CFAP46: variants seen among roughly 807,000 people sequenced by gnomAD.
The protein encoded by CFAP46 is cilia and flagella associated protein 46.
A neutral mutation model predicts 325.7 loss-of-function variants in CFAP46; 245 were observed. The observed-to-expected ratio is 0.75, with a 90% CI of 0.68 to 0.84. CFAP46 has a LOEUF of 0.84. CFAP46 is among the 40% of genes least tolerant of loss of function. The pLI is 0.00. For synonymous variants in CFAP46, 1,523 were observed against 1,495.9 expected (o/e 1.02, Z -0.42); for missense variants, 3,346 against 3,543.0 (o/e 0.94, Z 1.41).
Position 132,892,328 on chromosome 10 carries a change from C to T in CFAP46, c.3304+5G>A. ...GCCTGTGGGTCTGTCTGTCCTGCTA[C>T]AAACCTGGAAGAAAATATCCTTCGG... On this transcript the variant is annotated splice_donor_5th_base_variant and intron_variant, in intron 25 of 57. Coordinates refer to ENST00000368586, the MANE Select transcript of CFAP46 (RefSeq NM_001200049.3). 6.4e-7 allele frequency: 1 copy of T among 1,550,822 alleles called. No homozygotes were observed. The highest frequency in any genetic ancestry group is 1.4e-5 in the African/African-American group (1 of 73,190).
intron 44 of CFAP46, 80 bp downstream of exon 44, chr10:132,845,977 C>T (rs571984834): frequency 2.4e-5 from 35 of 1,455,978 alleles, no homozygotes; most frequent in Non-Finnish European, 2.7e-5. Flanking sequence ...CTCGCTCAGG[C>T]GTGGGACTGT....
chr10:132,859,215 T>C lies in CFAP46; in HGVS notation c.5231A>G (p.His1744Arg). 6.5e-7 allele frequency: 1 copy of C among 1,550,044 alleles called. No homozygotes were observed. The highest frequency in any genetic ancestry group is 8.7e-7 in the Non-Finnish European group (1 of 1,146,956). ...CTCTGTGGGTTCAGTGACCGCTGAG[T>C]GCTGCGCAACTCTGACCCGCAGGCT... ...CLSLRVRVAQHSAVTEPTECS... is the reference protein window; with the variant it reads ...CLSLRVRVAQRSAVTEPTECS... Residue 1744 changes from histidine (H) to arginine (R), a missense_variant, in exon 38 of 58, where the codon CAC (histidine) becomes CGC (arginine). Physicochemically the swap from His to Arg is conservative, Grantham distance 29. Transcript: ENST00000368586.
intron 9 of CFAP46, among the ~76,000 whole-genome samples, chr10:132,927,986 G>A (rs1267261847): frequency 6.6e-6 from 1 of 152,182 alleles, no homozygotes; most frequent in African/African-American, 2.4e-5. Flanking sequence ...GAGGCCAACC[G>A]GGCAAAGGGC....
chr10:132,890,436 C>T (rs1164710709), intron 25 of CFAP46, among the ~76,000 whole-genome samples: 1 of 152,196 alleles, frequency 6.6e-6, no homozygotes, highest in Non-Finnish European at 1.5e-5. Flanking sequence ...CTTGGACCCC[C>T]GTCACTCCTA....
At position 132,892,427 on chromosome 10, in the gene CFAP46, C is replaced by A. The variant is rs566590048; in HGVS notation, c.3220-10G>T. ...GCGTCTTTCCTTTCTCCTAAAGTAACGCAAGTAAACGACACGTATATTTGA... is the reference window on the plus strand; with the variant it reads ...GCGTCTTTCCTTTCTCCTAAAGTAAAGCAAGTAAACGACACGTATATTTGA... On this transcript the variant is annotated splice_polypyrimidine_tract_variant and intron_variant, in intron 24 of 57. Transcript: ENST00000368586. 1.3e-6 allele frequency: 2 copies of A among 1,550,240 alleles called. No homozygotes were observed. The highest frequency in any genetic ancestry group is 1.4e-5 in the African/African-American group (1 of 73,126).
rs373221431 is a variant in CFAP46, at chr10:132,812,763, G to T, written c.7501+22C>A. ...TTGTCCTGTGCCCGCGGGGGAGGGGGTGCTGAGAGGACACCTCTCACCTTG... is the reference window on the plus strand; with the variant it reads ...TTGTCCTGTGCCCGCGGGGGAGGGGTTGCTGAGAGGACACCTCTCACCTTG... On this transcript the variant is annotated intron_variant, in intron 55 of 57. Coordinates refer to ENST00000368586, the MANE Select transcript of CFAP46 (RefSeq NM_001200049.3). 9.0e-5 allele frequency: 139 copies of T among 1,551,924 alleles called. No individual in the cohort carries two copies. In the African/African-American group the frequency reaches 1.1e-3, roughly 12 times the overall value.
In CFAP46 at chr10:132,893,656, G is replaced by A. The variant is rs555807219; in HGVS notation, c.3220-1239C>T. ...TTTAGCTGAACTGAGCAAAAGTCCC[G>A]CAACAGTGTGAGACCCCCAAGTCAA... On this transcript the variant is annotated intron_variant, in intron 24 of 57. Coordinates refer to ENST00000368586, the MANE Select transcript of CFAP46 (RefSeq NM_001200049.3). Among the ~76,000 whole-genome samples, 96 of 152,290 alleles carry A rather than the reference G, an allele frequency of 6.3e-4. 4 individuals carry two copies. Among genetic ancestry groups the A allele is most frequent in the South Asian group, 4.1e-4 (2 of 4,826 alleles).
chr10:132,866,728 CCT>C (rs1848818502), intron 34 of CFAP46, among the ~76,000 whole-genome samples: 1 of 152,238 alleles, frequency 6.6e-6, no homozygotes, highest in Non-Finnish European at 1.5e-5. Context: ...GTGCTGAGCC[CCT>C]GTCCTGTCCT....
chr10:132,856,977 G>A (rs1848651050), intron 39 of CFAP46, among the ~76,000 whole-genome samples: 1 of 152,218 alleles, frequency 6.6e-6, no homozygotes, highest in Admixed American at 6.5e-5. Context: ...TCTCAGGCAG[G>A]TCTGGAGCGG....
intron 7 of CFAP46, among the ~76,000 whole-genome samples, chr10:132,935,645 T>A (rs200708920): frequency 4.1e-3 from 480 of 116,138 alleles, no homozygotes; most frequent in Middle Eastern, 0.012. Context: ...ATCTCCTCAC[T>A]CCCCTCAGCA....
rs922319065 is a variant in CFAP46 at position 132,889,872 on chromosome 10, C to A, written c.3304+2461G>T. Among the ~76,000 whole-genome samples, 1 of 152,184 alleles carries A rather than the reference C, an allele frequency of 6.6e-6. No individual in the cohort carries two copies. The highest frequency in any genetic ancestry group is 2.4e-5 in the African/African-American group (1 of 41,450). Reference sequence around the variant, plus strand: ...GTCCCGCCTGATTAAAGTATTGATGCGGCCTGGACGCTAAGCATTTAGCTG... The same window carrying A: ...GTCCCGCCTGATTAAAGTATTGATGAGGCCTGGACGCTAAGCATTTAGCTG... On this transcript the variant is annotated intron_variant, in intron 25 of 57. Transcript: ENST00000368586. The surrounding 1 kb of genome is among the most constrained non-coding windows in gnomAD (Gnocchi z 6.0).
chr10:132,915,353 G>A (rs372577000), intron 17 of CFAP46, among the ~76,000 whole-genome samples: 26 of 152,362 alleles, frequency 1.7e-4, no homozygotes, highest in Admixed American at 7.8e-4. Flanking sequence ...GCCTGGGCCC[G>A]GTGGCTCCTC....
chr10:132,924,255 C>T (rs1849772901), intron 11 of CFAP46, among the ~76,000 whole-genome samples: 1 of 151,256 alleles, frequency 6.6e-6, no homozygotes, highest in South Asian at 2.1e-4. Flanking sequence ...TGCCATGGTC[C>T]ACCGTGATGC....
chr10:132,913,318 C>T (rs1480214913), intron 17 of CFAP46, 60 bp from the exon 18 acceptor site: 13 of 1,417,108 alleles, frequency 9.2e-6, no homozygotes, highest in Admixed American at 2.0e-5. Context: ...GGCCAGGCAC[C>T]AGGAAGGCTG....
At position 132,877,772 on chromosome 10, in the gene CFAP46, C is replaced by T. The variant is rs145811792; in HGVS notation, c.4212+109G>A. The stretch of plus-strand genomic sequence containing the variant: ...AGGCACAGGCCATCCCGGGCCCGGC[C>T]TCTGCACTGAGGCCGCCTGGGGCTC... On this transcript the variant is annotated intron_variant, in intron 30 of 57. Coordinates refer to ENST00000368586, the MANE Select transcript of CFAP46 (RefSeq NM_001200049.3). The surrounding 1 kb of genome is among the most constrained non-coding windows in gnomAD (Gnocchi z 5.7). 798 of 1,223,532 alleles carry T rather than the reference C, an allele frequency of 6.5e-4. 2 individuals are homozygous for T. The African/African-American group carries it at 0.011, about 16-fold the overall frequency. 75.8% of individuals were successfully genotyped at this position (1,223,532 alleles called of 1,614,324 possible).
chr10:132,822,769 G>A (rs1847898615), intron 50 of CFAP46, among the ~76,000 whole-genome samples: 1 of 143,530 alleles, frequency 7.0e-6, no homozygotes, highest in Admixed American at 6.9e-5. Flanking sequence ...GCTGATGTGT[G>A]CTGTGTGTGC....
intron 10 of CFAP46, 98 bp downstream of exon 10, chr10:132,926,470 T>G: frequency 1.1e-6 from 1 of 877,594 alleles, no homozygotes; most frequent in East Asian, 2.6e-5. Context: ...CCAGGCCATG[T>G]CCCCAGCACC....
intron 17 of CFAP46, among the ~76,000 whole-genome samples, chr10:132,913,673 G>T (rs1849590530): frequency 6.6e-6 from 1 of 152,192 alleles, no homozygotes; most frequent in South Asian, 2.1e-4. Flanking sequence ...CGGCTGGATG[G>T]TGTCTAAGTG....
chr10:132,934,776 C>A lies in CFAP46; in HGVS notation c.842G>T (p.Arg281Leu), dbSNP rs150151203. 9 of 1,607,550 alleles carry A rather than the reference C, an allele frequency of 5.6e-6. No individual in the cohort carries two copies. The highest frequency in any genetic ancestry group is 1.3e-5 in the African/African-American group (1 of 74,740). Residue 281 changes from arginine (R) to leucine (L), a missense_variant, in exon 8 of 58, where the codon CGC (arginine) becomes CTC (leucine). Physicochemically the swap from Arg to Leu is moderately radical, Grantham distance 102. Transcript: ENST00000368586. ...YRHLGHYNHQ[R>L]FPSISEEKML... ...CTTTTCTTCACTGATAGAGGGAAAG[C>A]GCTGGTGGTTGTAATGACCTAAGTG...
Sources: gnomAD v4.1 joint callset for allele counts (sites outside exome capture counted in the v4.1 genomes callset) on GRCh38, gnomAD v4.1.1 for gene constraint, Gnocchi (gnomAD v3.1) non-coding constraint, MANE v1.5 for transcripts, NCBI Gene and HGNC (gene_info 2026-07-23, HGNC 2026-07-21) for gene names.